Variants in LRRC4C observed in about 807,000 individuals in gnomAD.
The protein encoded by LRRC4C is leucine-rich repeat-containing protein 4C.
A neutral mutation model predicts 33.6 loss-of-function variants in LRRC4C; 5 were observed. That is an observed-to-expected ratio of 0.15 (90% CI 0.08 to 0.31). LRRC4C has a LOEUF of 0.31. LRRC4C is among the 10% of genes least tolerant of loss of function. The pLI is 1.00. For missense variants in LRRC4C, 560 were observed against 796.7 expected, an observed-to-expected ratio of 0.70 and a Z score of 3.58; for synonymous variants, 329 against 302.0, an observed-to-expected ratio of 1.09 and a Z score of -0.93.
rs193090851 is a variant in LRRC4C, at chr11:40,440,409, C to G, written c.-269-120688G>C. ...ATCATATTTAGGGAGAAATTACCAT[C>G]AAAATATATTTAAAGTAGAATATAT... is the stretch of plus-strand genomic sequence containing the variant. On this transcript the variant is annotated intron_variant, in intron 3 of 6. Transcript: ENST00000528697. 5.3e-5 allele frequency among the ~76,000 whole-genome samples: 8 copies of G among 150,356 alleles called. No homozygotes were observed. In the East Asian group the frequency reaches 1.4e-3, roughly 26 times the overall value.
intron 1 of LRRC4C, among the ~76,000 whole-genome samples, chr11:41,227,584 C>T (rs978929576): frequency 4.6e-5 from 7 of 152,104 alleles, no homozygotes; most frequent in African/African-American, 1.7e-4. Context: ...ACTGCAGCCT[C>T]AAACTCCTAG....
At chr11:40,527,521 T>C (rs564570377) in intron 3 of LRRC4C, among the ~76,000 whole-genome samples, 4 of 152,250 alleles carry the variant, frequency 2.6e-5, no homozygotes, top group East Asian at 1.9e-4. Context: ...GGATTTGCTA[T>C]AGGAGGAGGC....
intron 2 of LRRC4C, among the ~76,000 whole-genome samples, chr11:40,823,483 A>T (rs1952029882): frequency 6.6e-6 from 1 of 151,796 alleles, no homozygotes; most frequent in South Asian, 2.1e-4. Context: ...TATTTTTATA[A>T]TCATTCATTA....
At chr11:40,883,128 A>C (rs1046407565) in intron 2 of LRRC4C, among the ~76,000 whole-genome samples, 1 of 152,032 alleles carries the variant, frequency 6.6e-6, no homozygotes, top group African/African-American at 2.4e-5. Context: ...CCTGTCATTA[A>C]CTGTCTTTCC....
chr11:41,440,816 C>T (rs535151161), intron 1 of LRRC4C, among the ~76,000 whole-genome samples: 38 of 152,268 alleles, frequency 2.5e-4, no homozygotes, highest in African/African-American at 8.9e-4. Flanking sequence ...TCTCCTGCCA[C>T]CATGTAAAAT....
intron 1 of LRRC4C, among the ~76,000 whole-genome samples, chr11:41,360,255 C>T (rs1192031226): frequency 6.6e-6 from 1 of 152,110 alleles, no homozygotes; most frequent in Non-Finnish European, 1.5e-5. Flanking sequence ...ATCCCGGACA[C>T]CTCAAAGCTA....
At chr11:40,531,626 G>C (rs769194940) in intron 3 of LRRC4C, among the ~76,000 whole-genome samples, 4 of 152,014 alleles carry the variant, frequency 2.6e-5, no homozygotes, top group Non-Finnish European at 5.9e-5. Context: ...TTTTGCCTAA[G>C]AGAATATGAA....
At chr11:41,016,768 G>A (rs978237015) in intron 1 of LRRC4C, among the ~76,000 whole-genome samples, 2 of 152,092 alleles carry the variant, frequency 1.3e-5, no homozygotes, top group African/African-American at 4.8e-5. Context: ...TAGCTCACTC[G>A]ACTCTGAAAG....
intron 2 of LRRC4C, among the ~76,000 whole-genome samples, chr11:40,661,270 C>T (rs1000279589): frequency 1.3e-5 from 2 of 151,718 alleles, no homozygotes; most frequent in African/African-American, 4.8e-5. Flanking sequence ...CATCTATTTT[C>T]TAATGATTTG....
intron 3 of LRRC4C, among the ~76,000 whole-genome samples, chr11:40,521,733 G>A (rs1265428417): frequency 1.3e-5 from 2 of 152,196 alleles, no homozygotes; most frequent in African/African-American, 4.8e-5. Context: ...GCTGGGCATT[G>A]TGGTGTGCGC....
chr11:40,365,213 G>A (rs191089793), intron 3 of LRRC4C, among the ~76,000 whole-genome samples: 1 of 151,896 alleles, frequency 6.6e-6, no homozygotes, highest in Non-Finnish European at 1.5e-5. Context: ...AAAGCATTGT[G>A]ATGTATCATA....
At chr11:40,379,135 G>A (rs1948767599) in intron 3 of LRRC4C, among the ~76,000 whole-genome samples, 1 of 152,098 alleles carries the variant, frequency 6.6e-6, no homozygotes, top group African/African-American at 2.4e-5. Flanking sequence ...GTAACTTAAA[G>A]ATGTTTGGAG....
chr11:40,962,075 C>T (rs1199191534), intron 1 of LRRC4C, among the ~76,000 whole-genome samples: 1 of 151,608 alleles, frequency 6.6e-6, no homozygotes, highest in Non-Finnish European at 1.5e-5. Context: ...AATCCATGTC[C>T]TGATGCCCCA....
At chr11:41,171,887 C>T (rs1174726121) in intron 1 of LRRC4C, among the ~76,000 whole-genome samples, 3 of 151,896 alleles carry the variant, frequency 2.0e-5, no homozygotes, top group East Asian at 2.0e-4. Context: ...AGATACTGAA[C>T]GACCACCAGG....
intron 1 of LRRC4C, among the ~76,000 whole-genome samples, chr11:41,093,144 A>C (rs1387406452): frequency 1.3e-5 from 2 of 152,198 alleles, no homozygotes; most frequent in Non-Finnish European, 2.9e-5. Flanking sequence ...TCAGCTCCAC[A>C]AAACTACTTT....
At chr11:40,304,264 A>C (rs1478449960) in intron 4 of LRRC4C, among the ~76,000 whole-genome samples, 1 of 152,182 alleles carries the variant, frequency 6.6e-6, no homozygotes, top group African/African-American at 2.4e-5. Flanking sequence ...TTCAAGTCAT[A>C]GGAGGGTGCC....
At chr11:41,304,709 G>A (rs1339580593) in intron 1 of LRRC4C, among the ~76,000 whole-genome samples, 2 of 84,066 alleles carry the variant, frequency 2.4e-5, no homozygotes, top group Non-Finnish European at 4.7e-5. Context: ...CACCCCGTCC[G>A]GGAGGGAGGT....
intron 1 of LRRC4C, among the ~76,000 whole-genome samples, chr11:41,428,184 G>T (rs1430996239): frequency 6.6e-6 from 1 of 152,094 alleles, no homozygotes; most frequent in East Asian, 1.9e-4. Flanking sequence ...ATTATGAAGG[G>T]CTCCGGAGGC....
intron 3 of LRRC4C, among the ~76,000 whole-genome samples, chr11:40,630,458 A>G (rs1467524088): frequency 6.9e-6 from 1 of 145,770 alleles, no homozygotes; most frequent in Non-Finnish European, 1.5e-5. Context: ...CACTACTACC[A>G]CTTTGTCCAC....
Sources: allele counts gnomAD v4.1 joint callset (sites outside exome capture counted in the v4.1 genomes callset), GRCh38; gene constraint gnomAD v4.1.1; transcripts MANE v1.5; gene names NCBI Gene and HGNC (gene_info 2026-07-23, HGNC 2026-07-21).